The following TRPV4 variants were observed in gnomAD, a reference collection of about 807,000 sequenced individuals.
TRPV4 encodes OSM9-like transient receptor potential channel 4.
A neutral mutation model predicts 84.1 loss-of-function variants in TRPV4; 58 were observed. The observed-to-expected ratio is 0.69, with a 90% CI of 0.56 to 0.86. The LOEUF is 0.86. Ranked by LOEUF, TRPV4 falls within the 40% of genes least tolerant of loss-of-function variation. The pLI is 0.00. For synonymous variants in TRPV4, 489 were observed against 500.9 expected (o/e 0.98, Z 0.32); for missense variants, 879 against 1,181.1 (o/e 0.74, Z 3.75).
rs1565857540 is a variant in TRPV4, at chr12:109,784,318, C to T, written c.2456G>A (p.Arg819Lys). The change falls in exon 15 of 16, where the codon AGG becomes AAG. Residue 819 changes from arginine to lysine, a missense_variant and splice_region_variant. Coordinates refer to ENST00000261740, the MANE Select transcript of TRPV4 (RefSeq NM_021625.5). Reference protein sequence around the residue: ...GFSHTVGRLRRDRWSSVVPRV... With the variant: ...GFSHTVGRLRKDRWSSVVPRV... ...TCCGCACCCGCCCCTCCACTCACCC[C>T]TGCGGAGGCGGCCCACGGTATGCGA... 3.1e-6 allele frequency: 5 copies of T among 1,614,180 alleles called. No homozygotes were observed. Among genetic ancestry groups the T allele is most frequent in the Non-Finnish European group, 4.2e-6 (5 of 1,180,026 alleles).
intron 1 of TRPV4, among the ~76,000 whole-genome samples, chr12:109,820,516 A>ATTTTTTTTTTTT (rs1166251387): frequency 1.2e-4 from 11 of 92,398 alleles, no homozygotes; most frequent in African/African-American, 5.5e-4. Flanking sequence ...CAGCTGCCCT[A>ATTTTTTTTTTTT]TTTTTTTTTT....
chr12:109,800,712 G>A lies in TRPV4; in HGVS notation c.759C>T (p.Tyr253=), dbSNP rs370318363. 9.9e-6 allele frequency: 16 copies of A among 1,614,028 alleles called. No homozygotes were observed. Among genetic ancestry groups the A allele is most frequent in the African/African-American group, 2.7e-5 (2 of 74,936 alleles). ...HIAIERRCKH[Y]VELLVAQGAD... ...CTCCCTGGGCCACGAGAAGTTCCACGTAGTGTTTGCAGCGACGCTCAATGG... is the reference window on the plus strand; with the variant it reads ...CTCCCTGGGCCACGAGAAGTTCCACATAGTGTTTGCAGCGACGCTCAATGG... Residue 253 remains tyrosine (Y), a synonymous_variant, in exon 5 of 16, where the codon TAC becomes TAT. Coordinates refer to ENST00000261740, the MANE Select transcript of TRPV4 (RefSeq NM_021625.5).
chr12:109,830,362 T>C (rs1331907860), intron 1 of TRPV4, among the ~76,000 whole-genome samples: 1 of 152,208 alleles, frequency 6.6e-6, no homozygotes, highest in African/African-American at 2.4e-5. Flanking sequence ...TATCCAAATG[T>C]GCTGAGGGTG....
rs1272971799 is a variant in TRPV4, at chr12:109,796,762, G to A, written c.1153-58C>T. 2.6e-6 allele frequency: 4 copies of A among 1,554,106 alleles called. No homozygotes were observed. The highest frequency in any genetic ancestry group is 3.5e-6 in the Non-Finnish European group (4 of 1,148,112). ...ACACTGGAAAGACCCCCAGGGCTGG[G>A]CCCAGCTCAGCACATGACGCCTCCC... On this transcript the variant is annotated intron_variant, in intron 6 of 15. Coordinates refer to ENST00000261740, the MANE Select transcript of TRPV4 (RefSeq NM_021625.5). The surrounding 1 kb of genome is among the most constrained non-coding windows in gnomAD (Gnocchi z 4.2).
rs115732323 is a variant in TRPV4 at position 109,813,477 on chromosome 12, G to A, written c.386+934C>T. On this transcript the variant is annotated intron_variant, in intron 2 of 15. Transcript: ENST00000261740. The stretch of plus-strand genomic sequence containing the variant: ...TGAGTAAATAGTTGTATAAATGAGT[G>A]GGTGGAAGGGTGAATGGGTAAATGG... Among the ~76,000 whole-genome samples the A allele has an allele frequency of 3.2e-3, 494 of 152,286 alleles. 1 individual carries two copies. Among genetic ancestry groups the A allele is most frequent in the African/African-American group, 0.011 (476 of 41,554 alleles).
intron 2 of TRPV4, among the ~76,000 whole-genome samples, chr12:109,812,814 G>A (rs1891603582): frequency 6.6e-6 from 1 of 152,252 alleles, no homozygotes; most frequent in Admixed American, 6.5e-5. Context: ...GAAAATGGTA[G>A]ATGAATGGAA....
rs764817169 is a variant in TRPV4 at position 109,794,494 on chromosome 12, G to A, written c.1333-7C>T. 2.5e-6 allele frequency: 4 copies of A among 1,613,496 alleles called. No individual in the cohort carries two copies. Among genetic ancestry groups the A allele is most frequent in the African/African-American group, 2.7e-5 (2 of 74,870 alleles). ...CCAGCATCTCGTGGCGGTTCTAAGA[G>A]AGGCAGGGTGGTCGGGGGCTGCCTT... On this transcript the variant is annotated splice_polypyrimidine_tract_variant and splice_region_variant and intron_variant, in intron 7 of 15. Coordinates refer to ENST00000261740, the MANE Select transcript of TRPV4 (RefSeq NM_021625.5).
Position 109,793,877 on chromosome 12 carries a change from G to A in TRPV4, c.1584+53C>T. 1 of 1,315,360 alleles carries A rather than the reference G, an allele frequency of 7.6e-7. No homozygotes were observed. The highest frequency in any genetic ancestry group is 1.1e-6 in the Non-Finnish European group (1 of 921,634). 81.5% of individuals were successfully genotyped at this position (1,315,360 alleles called of 1,614,324 possible). On this transcript the variant is annotated intron_variant, in intron 9 of 15. Coordinates refer to ENST00000261740, the MANE Select transcript of TRPV4 (RefSeq NM_021625.5). The surrounding 1 kb of genome is among the most constrained non-coding windows in gnomAD (Gnocchi z 4.0). ...AAAAGAGGGAGAGAAAAGAGGTGCAGGAAGAGAAGAGGAGGGCAGGCAGGG... is the reference window on the plus strand; with the variant it reads ...AAAAGAGGGAGAGAAAAGAGGTGCAAGAAGAGAAGAGGAGGGCAGGCAGGG...
rs763266931 is a variant in TRPV4, at chr12:109,814,618, G to C, written c.179C>G (p.Pro60Arg). The C allele has an allele frequency of 2.0e-5, 32 of 1,613,876 alleles. 1 individual carries two copies. The South Asian group carries it at 2.7e-4, about 14-fold the overall frequency. Residue 60 changes from proline (P) to arginine (R), a missense_variant, in exon 2 of 16, where the codon CCA (proline) becomes CGA (arginine). This residue lies in a region of TRPV4 where 107 missense variants were observed against 99.4 expected (regional missense o/e 1.08). Transcript: ENST00000261740. This position sits in a 1 kb window ranked among gnomAD's most constrained non-coding sequence, Gnocchi z 5.4. Reference protein sequence around the residue: ...SPADASRPAGPGDGRPNLRMK... With the variant: ...SPADASRPAGRGDGRPNLRMK... ...GCGCAGATTTGGTCGCCCATCGCCT[G>C]GGCCAGCAGGGCGACTGGCATCAGC... is the stretch of plus-strand genomic sequence containing the variant.
intron 1 of TRPV4, among the ~76,000 whole-genome samples, chr12:109,831,166 C>A (rs1448659957): frequency 6.6e-6 from 1 of 152,220 alleles, no homozygotes; most frequent in African/African-American, 2.4e-5. Flanking sequence ...AGAACTATTT[C>A]TCTGCTCTAT....
rs946031125 is a variant in TRPV4, at chr12:109,783,397, C to T, written c.*224G>A. ...TGAGGTGGAGGGGCTCTGGCGTTGGCTTATGTGACTCCATAGGAGCAAGAC... is the reference window on the plus strand; with the variant it reads ...TGAGGTGGAGGGGCTCTGGCGTTGGTTTATGTGACTCCATAGGAGCAAGAC... On this transcript the variant is annotated 3_prime_UTR_variant, in exon 16 of 16. Transcript: ENST00000261740. The surrounding 1 kb of genome is among the most constrained non-coding windows in gnomAD (Gnocchi z 4.6). 1.4e-5 allele frequency: 8 copies of T among 554,514 alleles called. No homozygotes were observed. Among genetic ancestry groups the T allele is most frequent in the Admixed American group, 3.3e-5 (1 of 30,050 alleles). The allele number at this position is 554,514 out of a possible 1,614,324, so 34.3% of individuals were successfully genotyped here. A position where few individuals can be genotyped will look rare whatever the true frequency, so the allele number is the denominator to read the frequency against.
In TRPV4 at chr12:109,786,885, G is replaced by A. The variant is rs750957412; in HGVS notation, c.2209-48C>T. On this transcript the variant is annotated intron_variant, in intron 13 of 15. Transcript: ENST00000261740. This position sits in a 1 kb window ranked among gnomAD's most constrained non-coding sequence, Gnocchi z 4.5. ...GGGACATCGGTGAGCCTCACAGCCT[G>A]CGCCTGCCGCTCTGGTGGCAGAAAT... 3 of 1,610,720 alleles carry A rather than the reference G, an allele frequency of 1.9e-6. No individual in the cohort carries two copies. Among genetic ancestry groups the A allele is most frequent in the South Asian group, 2.2e-5 (2 of 90,934 alleles).
In TRPV4 at chr12:109,783,678, G is replaced by A. The variant is rs139580010; in HGVS notation, c.2559C>T (p.Cys853=). 52 of 1,613,814 alleles carry A rather than the reference G, an allele frequency of 3.2e-5. No homozygotes were observed. The African/African-American group carries it at 5.7e-4, about 18-fold the overall frequency. Residue 853 remains cysteine (C), a synonymous_variant, in exon 16 of 16, where the codon TGC becomes TGT. Transcript: ENST00000261740. The surrounding 1 kb of genome is among the most constrained non-coding windows in gnomAD (Gnocchi z 4.6). The part of the protein sequence containing the change: ...VPLDSMGNPR[C]DGHQQGYPRK... ...GGGGGTAACCCTGCTGGTGGCCATC[G>A]CAGCGGGGGTTCCCCATGCTGTCCA...
chr12:109,798,710 C>A lies in TRPV4; in HGVS notation c.1056G>T (p.Lys352Asn), dbSNP rs972744238. 3.7e-6 allele frequency: 6 copies of A among 1,614,064 alleles called. No homozygotes were observed. The highest frequency in any genetic ancestry group is 3.3e-5 in the Admixed American group (2 of 60,026). Residue 352 changes from lysine (K) to asparagine (N), a missense_variant, in exon 6 of 16, where the codon AAG (lysine) becomes AAT (asparagine). Around this residue, in one of 4 missense-constraint regions of TRPV4, gnomAD observed 521 missense variants for 686.6 expected, o/e 0.76. Transcript: ENST00000261740. The surrounding 1 kb of genome is among the most constrained non-coding windows in gnomAD (Gnocchi z 5.0). The stretch of plus-strand genomic sequence containing the variant: ...TGCTGTCGGGGAAGAGGCGGGCACA[C>A]TTGAGCAGCAGCAGGTCGTACATCT... ...VTKMYDLLLL[K>N]CARLFPDSNL...
chr12:109,802,977 G>T lies in TRPV4; in HGVS notation c.712+14C>A. 1 of 1,613,328 alleles carries T rather than the reference G, an allele frequency of 6.2e-7. No individual in the cohort carries two copies. ...TCAGCCCCCGTGGCACCCCTGCCCA[G>T]CCCGGGGCCCCACCTCGATAGTAGA... On this transcript the variant is annotated intron_variant, in intron 4 of 15. Coordinates refer to ENST00000261740, the MANE Select transcript of TRPV4 (RefSeq NM_021625.5).
intron 1 of TRPV4, among the ~76,000 whole-genome samples, chr12:109,819,572 T>C (rs1892011001): frequency 6.6e-6 from 1 of 152,196 alleles, no homozygotes; most frequent in Non-Finnish European, 1.5e-5. Flanking sequence ...AGCGGGTGTT[T>C]GTTTGTTGAG....
In TRPV4 at chr12:109,788,631, C is replaced by T. The variant is rs1889847260; in HGVS notation, c.1977G>A (p.Ser659=). The change falls in exon 13 of 16, where the codon TCG becomes TCA. Residue 659 remains serine, a synonymous_variant. Coordinates refer to ENST00000261740, the MANE Select transcript of TRPV4 (RefSeq NM_021625.5). Reference sequence around the variant, plus strand: ...TGCTGAAGGTCTCGCTGTCACGGCACGAGGGGTAAGTGGGCACTGTGCAGT... The same window carrying T: ...TGCTGAAGGTCTCGCTGTCACGGCATGAGGGGTAAGTGGGCACTGTGCAGT... ...QTNCTVPTYP[S]CRDSETFSTF... 3.7e-6 allele frequency: 6 copies of T among 1,614,058 alleles called. No individual in the cohort carries two copies. The highest frequency in any genetic ancestry group is 2.2e-5 in the South Asian group (2 of 91,086).
chr12:109,790,483 A>G (rs1257893926), intron 12 of TRPV4, among the ~76,000 whole-genome samples: 1 of 152,214 alleles, frequency 6.6e-6, no homozygotes, highest in African/African-American at 2.4e-5. Context: ...AAGGGAGCTG[A>G]TGTTGGGCTT....
intron 13 of TRPV4, among the ~76,000 whole-genome samples, chr12:109,787,255 G>C (rs1889749646): frequency 6.6e-6 from 1 of 152,180 alleles, no homozygotes; most frequent in African/African-American, 2.4e-5. Context: ...GGTTTTCATA[G>C]GGAATCTCTT....
Sources: allele counts gnomAD v4.1 joint callset (sites outside exome capture counted in the v4.1 genomes callset), GRCh38; gene constraint gnomAD v4.1.1; regional missense constraint gnomAD v4.1.1; non-coding constraint Gnocchi (gnomAD v3.1); transcripts MANE v1.5; gene names NCBI Gene and HGNC (gene_info 2026-07-23, HGNC 2026-07-21).